SMYD3: variants seen among roughly 807,000 people sequenced by gnomAD.
SMYD3 encodes the protein histone-lysine N-methyltransferase SMYD3.
In SMYD3, 36 loss-of-function variants were observed where a neutral mutation model predicts 57.7. The observed-to-expected ratio is 0.62, with a 90% confidence interval of 0.48 to 0.82. The LOEUF is 0.82. Ranked by LOEUF, SMYD3 falls within the 40% of genes least tolerant of loss-of-function variation. SMYD3 has a pLI of 0.00. For synonymous variants in SMYD3, 211 were observed against 195.0 expected, an observed-to-expected ratio of 1.08 and a Z score of -0.68; for missense variants, 515 against 538.8, an observed-to-expected ratio of 0.96 and a Z score of 0.44.
intron 1 of SMYD3, among the ~76,000 whole-genome samples, chr1:246,486,956 C>A (rs2068197498): frequency 6.6e-6 from 1 of 152,188 alleles, no homozygotes; most frequent in South Asian, 2.1e-4. Context: ...AGCAAAAGAT[C>A]CACTGGTCTC....
At chr1:246,122,739 G>A (rs2061442825) in intron 5 of SMYD3, among the ~76,000 whole-genome samples, 1 of 152,184 alleles carries the variant, frequency 6.6e-6, no homozygotes, top group African/African-American at 2.4e-5. Context: ...ATGACATTGT[G>A]TATGGTGACC....
intron 5 of SMYD3, among the ~76,000 whole-genome samples, chr1:246,175,149 A>G (rs2062411429): frequency 6.6e-6 from 1 of 152,216 alleles, no homozygotes; most frequent in South Asian, 2.1e-4. Context: ...TAGAAAACGC[A>G]CTGGTGATAC....
At chr1:246,248,289 A>G (rs1245219724) in intron 5 of SMYD3, among the ~76,000 whole-genome samples, 1 of 152,116 alleles carries the variant, frequency 6.6e-6, no homozygotes, top group Non-Finnish European at 1.5e-5. Context: ...TACAAGACAC[A>G]CAAGAGAAGT....
intron 5 of SMYD3, among the ~76,000 whole-genome samples, chr1:245,938,218 A>C (rs1036927584): frequency 6.6e-6 from 1 of 152,182 alleles, no homozygotes; most frequent in Non-Finnish European, 1.5e-5. Context: ...TTCACATGAC[A>C]GTAGCTGAAG....
chr1:246,263,387 A>T (rs2064047316), intron 5 of SMYD3, among the ~76,000 whole-genome samples: 1 of 152,210 alleles, frequency 6.6e-6, no homozygotes, highest in Non-Finnish European at 1.5e-5. Flanking sequence ...GCTCATTAAC[A>T]GTTAGCTGTA....
intron 7 of SMYD3, among the ~76,000 whole-genome samples, chr1:245,925,546 A>G (rs1466111758): frequency 6.6e-6 from 1 of 152,204 alleles, no homozygotes; most frequent in Non-Finnish European, 1.5e-5. Context: ...AGTTAAGCAC[A>G]CGCCAAGGAC....
chr1:246,134,321 G>C (rs1273228000), intron 5 of SMYD3, among the ~76,000 whole-genome samples: 3 of 151,910 alleles, frequency 2.0e-5, no homozygotes, highest in African/African-American at 7.3e-5. Flanking sequence ...TTAAAATGCA[G>C]CTTTCTATAT....
chr1:245,863,599 G>A (rs1302949867), intron 9 of SMYD3, among the ~76,000 whole-genome samples, 200 bp downstream of exon 9: 4 of 152,060 alleles, frequency 2.6e-5, no homozygotes, highest in Non-Finnish European at 2.9e-5. Context: ...TATTATTCAC[G>A]CTGATTTTGC....
chr1:246,241,233 A>G (rs2063602316), intron 5 of SMYD3, among the ~76,000 whole-genome samples: 2 of 152,226 alleles, frequency 1.3e-5, no homozygotes, highest in South Asian at 4.1e-4. Flanking sequence ...TGGGTTTGTC[A>G]TAAACAGTTC....
chr1:245,964,199 C>T (rs1053569364), intron 5 of SMYD3, among the ~76,000 whole-genome samples: 3 of 152,144 alleles, frequency 2.0e-5, no homozygotes, highest in African/African-American at 7.2e-5. Flanking sequence ...TGTGAACTAA[C>T]AGAGCAAGAA....
intron 5 of SMYD3, among the ~76,000 whole-genome samples, chr1:246,118,683 C>A (rs556625024): frequency 6.6e-6 from 1 of 152,314 alleles, no homozygotes; most frequent in South Asian, 2.1e-4. Context: ...ATGAAAAATG[C>A]CAGCTAGTCT....
chr1:246,050,039 G>A (rs2185073), intron 5 of SMYD3, among the ~76,000 whole-genome samples: 58,177 of 152,126 alleles, frequency 0.38, 14,046 homozygotes, highest in African/African-American at 0.66. Context: ...ACTAGTGAAC[G>A]CATTAATATA....
intron 7 of SMYD3, among the ~76,000 whole-genome samples, chr1:245,918,459 A>G (rs1417942478): frequency 6.6e-6 from 1 of 152,196 alleles, no homozygotes; most frequent in East Asian, 1.9e-4. Flanking sequence ...GTGTTAGAGA[A>G]TGTTCTGTGG....
intron 1 of SMYD3, among the ~76,000 whole-genome samples, chr1:246,358,407 AAGAC>A: frequency 6.6e-6 from 1 of 152,312 alleles, no homozygotes; most frequent in East Asian, 1.9e-4. Context: ...ATAGGTCATC[AAGAC>A]AGAAAGTCAA....
chr1:245,987,705 G>A (rs192370242), intron 5 of SMYD3, among the ~76,000 whole-genome samples: 2 of 152,290 alleles, frequency 1.3e-5, no homozygotes, highest in Admixed American at 1.3e-4. Flanking sequence ...CAGTGGAGAC[G>A]GAATCTGAAC....
At chr1:245,801,773 A>C (rs2047877622) in intron 10 of SMYD3, among the ~76,000 whole-genome samples, 1 of 152,048 alleles carries the variant, frequency 6.6e-6, no homozygotes, top group African/African-American at 2.4e-5. Flanking sequence ...AATGGGCTAA[A>C]GCTAATAATT....
At chr1:245,889,481 T>C (rs969399315) in intron 8 of SMYD3, among the ~76,000 whole-genome samples, 2 of 152,168 alleles carry the variant, frequency 1.3e-5, no homozygotes, top group African/African-American at 4.8e-5. Context: ...CTGTGACCAC[T>C]GAAGAGGTCT....
chr1:245,857,848 T>C (rs2362589), intron 10 of SMYD3, among the ~76,000 whole-genome samples: 84,259 of 151,810 alleles, frequency 0.56, 26,549 homozygotes, highest in Non-Finnish European at 0.73. Flanking sequence ...CCCCCTTCAA[T>C]GCTTTTCTGA....
chr1:246,302,084 C>T (rs943845662), intron 5 of SMYD3, among the ~76,000 whole-genome samples: 3 of 152,156 alleles, frequency 2.0e-5, no homozygotes, highest in South Asian at 4.2e-4. Context: ...GAGTGCATAC[C>T]TGCCCCAAGC....
Sources: gnomAD v4.1 joint callset for allele counts (sites outside exome capture counted in the v4.1 genomes callset) on GRCh38, gnomAD v4.1.1 for gene constraint, MANE v1.5 for transcripts, NCBI Gene and HGNC (gene_info 2026-07-23, HGNC 2026-07-21) for gene names.